The following CD200 variants were observed in gnomAD, a reference collection of about 807,000 sequenced individuals.
CD200 encodes CD200 molecule.
CD200 carries 15 observed loss-of-function variants against 30.9 expected under a neutral mutation model. The ratio of observed to expected loss-of-function variants is 0.49; its 90% CI spans 0.32 to 0.75. The LOEUF (loss-of-function observed/expected upper bound fraction) is 0.75. Ranked by LOEUF, CD200 falls within the 30% of genes least tolerant of loss-of-function variation. The probability of loss-of-function intolerance (pLI) is 0.03; values close to 1 mark genes in which losing one functional copy is unlikely to be tolerated. For synonymous variants in CD200, 134 were observed against 126.2 expected, an observed-to-expected ratio of 1.06 and a Z score of -0.41; for missense variants, 262 against 324.2, an observed-to-expected ratio of 0.81 and a Z score of 1.47.
In CD200 at chr3:112,362,754, C is replaced by A. The variant is rs577924897; in HGVS notation, c.*1204C>A. Reference sequence around the variant, plus strand: ...CAAGATTTTCATGTGTTATTTAATTCTGTATTGTTTCTTATATTTGTAGTA... The same window carrying A: ...CAAGATTTTCATGTGTTATTTAATTATGTATTGTTTCTTATATTTGTAGTA... On this transcript the variant is annotated 3_prime_UTR_variant, in exon 6 of 6. Transcript: ENST00000315711. 2.1e-3 allele frequency: 323 copies of A among 152,362 alleles called. 1 individual carries two copies. Among genetic ancestry groups the A allele is most frequent in the African/African-American group, 7.5e-3 (311 of 41,438 alleles). The allele number at this position is 152,362 out of a possible 1,614,324, so 9.4% of individuals were successfully genotyped here.
intron 5 of CD200, among the ~76,000 whole-genome samples, chr3:112,356,900 A>G (rs964592573): frequency 5.3e-5 from 8 of 152,228 alleles, no homozygotes; most frequent in African/African-American, 1.9e-4. Context: ...AGATGGGGAT[A>G]ATAATTGTAA....
At chr3:112,334,748 GA>G (rs35000193) in intron 1 of CD200, among the ~76,000 whole-genome samples, 38,025 of 149,706 alleles carry the variant, frequency 0.25, 5,670 homozygotes, top group Middle Eastern at 0.35. Context: ...CAGACTCGAG[GA>G]AAAAAAAAAC....
upstream of CD200, chr3:112,333,049 C>T (rs1254908536): frequency 4.2e-6 from 4 of 954,734 alleles, no homozygotes; most frequent in Middle Eastern, 3.2e-4. Context: ...ACAGCCTCCG[C>T]TCCTGTGAGG....
chr3:112,354,779 G>T (rs1208998932), intron 5 of CD200, among the ~76,000 whole-genome samples: 1 of 152,212 alleles, frequency 6.6e-6, no homozygotes, highest in African/African-American at 2.4e-5. Context: ...CAAGGTGTCT[G>T]CAGGGAGACA....
At chr3:112,342,338 C>CTTCCTTCCTTCT in intron 2 of CD200, among the ~76,000 whole-genome samples, 1 of 21,944 alleles carries the variant, frequency 4.6e-5, no homozygotes, top group African/African-American at 1.7e-4. Flanking sequence ...TCTTTCTTTC[C>CTTCCTTCCTTCT]TTCTTTCTTT....
intron 3 of CD200, 44 bp downstream of exon 3, chr3:112,345,332 T>C (rs1294637636): frequency 2.6e-6 from 4 of 1,511,044 alleles, no homozygotes; most frequent in Non-Finnish European, 1.8e-6. Context: ...GAAATACTAT[T>C]TGCAAGAATG....
At position 112,333,241 on chromosome 3, in the gene CD200, C is replaced by T; in HGVS notation, c.12+17C>T. On this transcript the variant is annotated intron_variant, in intron 1 of 5. Coordinates refer to ENST00000315711, the MANE Select transcript of CD200 (RefSeq NM_005944.7). ...GAGAGGCTGGTGAGCGGGGCCGGGG[C>T]TTGGGAAGGAGGGCGCAGGGCAGGC... 6.5e-7 allele frequency: 1 copy of T among 1,549,128 alleles called. No homozygotes were observed. The highest frequency in any genetic ancestry group is 1.2e-5 in the South Asian group (1 of 83,918).
At chr3:112,339,102 G>A (rs1017551627) in intron 1 of CD200, among the ~76,000 whole-genome samples, 16 of 152,134 alleles carry the variant, frequency 1.1e-4, no homozygotes, top group African/African-American at 3.4e-4. Flanking sequence ...ATAAATGTTA[G>A]CATTAGTGGT....
chr3:112,349,947 A>G, intron 5 of CD200, 128 bp downstream of exon 5: 1 of 1,345,034 alleles, frequency 7.4e-7, no homozygotes, highest in South Asian at 2.2e-5. Flanking sequence ...TTTCCAAAAT[A>G]CAGAAATGTT....
Position 112,344,960 on chromosome 3 carries a change from A to C in CD200, c.95-2A>C. The C allele has an allele frequency of 6.3e-7, 1 of 1,591,912 alleles. No homozygotes were observed. The highest frequency in any genetic ancestry group is 1.1e-5 in the South Asian group (1 of 88,208). ...TATAAATGTTCTTTTATGATTCCAT[A>C]GTGCAAGTGGTGACCCAGGATGAAA... On this transcript the variant is annotated splice_acceptor_variant, in intron 2 of 5. Transcript: ENST00000315711. LOFTEE classifies it high-confidence loss of function.
intron 1 of CD200, among the ~76,000 whole-genome samples, chr3:112,339,421 T>G (rs542572065): frequency 2.2e-4 from 33 of 152,292 alleles, no homozygotes; most frequent in Admixed American, 5.9e-4. Flanking sequence ...CTTTTCTGGC[T>G]CAGGGAGATA....
At chr3:112,353,436 T>C (rs2081572309) in intron 5 of CD200, among the ~76,000 whole-genome samples, 1 of 152,156 alleles carries the variant, frequency 6.6e-6, no homozygotes, top group Non-Finnish European at 1.5e-5. Context: ...CATGTAGAAA[T>C]ATGTTTTTCA....
intron 5 of CD200, among the ~76,000 whole-genome samples, chr3:112,359,182 T>C (rs1345147436): frequency 6.6e-6 from 1 of 152,198 alleles, no homozygotes; most frequent in Non-Finnish European, 1.5e-5. Flanking sequence ...GAAAAACTTC[T>C]TCAGACCAGA....
Position 112,362,509 on chromosome 3 carries a change from A to G in CD200, c.*959A>G, listed in dbSNP as rs2081758717. The G allele has an allele frequency of 6.6e-6, 1 of 152,550 alleles. No homozygotes were observed. The highest frequency in any genetic ancestry group is 2.4e-5 in the African/African-American group (1 of 41,406). The allele number at this position is 152,550 out of a possible 1,614,324, so 9.4% of individuals were successfully genotyped here. A position where few individuals can be genotyped will look rare whatever the true frequency, so the allele number is the denominator to read the frequency against. ...TTTGTCTCTGCTGGCTTCTTTTTCCATGCGTTAACTTTTCCCAATAGCAGA... is the reference window on the plus strand; with the variant it reads ...TTTGTCTCTGCTGGCTTCTTTTTCCGTGCGTTAACTTTTCCCAATAGCAGA... On this transcript the variant is annotated 3_prime_UTR_variant, in exon 6 of 6. Coordinates refer to ENST00000315711, the MANE Select transcript of CD200 (RefSeq NM_005944.7).
chr3:112,362,801 G>A lies in CD200; in HGVS notation c.*1251G>A, dbSNP rs934801688. 1.3e-5 allele frequency: 2 copies of A among 152,500 alleles called. No homozygotes were observed. The highest frequency in any genetic ancestry group is 4.8e-5 in the African/African-American group (2 of 41,388). The allele number at this position is 152,500 out of a possible 1,614,324, so 9.4% of individuals were successfully genotyped here. On this transcript the variant is annotated 3_prime_UTR_variant, in exon 6 of 6. Coordinates refer to ENST00000315711, the MANE Select transcript of CD200 (RefSeq NM_005944.7). ...AGTAAAATATTGAACAATTAAAAGT[G>A]TTGACTCCAAATATTTGGCTTATGA...
chr3:112,333,316 C>G, intron 1 of CD200, 92 bp downstream of exon 1: 2 of 1,494,372 alleles, frequency 1.3e-6, no homozygotes, highest in Non-Finnish European at 1.8e-6. Context: ...AGGCGCGGAG[C>G]TTCGGCTCTT....
At chr3:112,345,334 G>T in intron 3 of CD200, 46 bp downstream of exon 3, 1 of 1,494,732 alleles carries the variant, frequency 6.7e-7, no homozygotes, top group Non-Finnish European at 9.3e-7. Flanking sequence ...AATACTATTT[G>T]CAAGAATGTT....
At chr3:112,335,998 C>A in intron 1 of CD200, 1 of 1,610,808 alleles carries the variant, frequency 6.2e-7, no homozygotes, top group South Asian at 1.1e-5. Context: ...CTAGGAAAGA[C>A]CACCATCAAT....
chr3:112,351,088 A>C (rs1165053882), intron 5 of CD200, among the ~76,000 whole-genome samples: 1 of 152,208 alleles, frequency 6.6e-6, no homozygotes, highest in East Asian at 1.9e-4. Flanking sequence ...GTTTGATTCT[A>C]CTTTATCCAG....
Sources: gnomAD v4.1 joint callset for allele counts (sites outside exome capture counted in the v4.1 genomes callset) on GRCh38, gnomAD v4.1.1 for gene constraint, MANE v1.5 for transcripts, NCBI Gene and HGNC (gene_info 2026-07-23, HGNC 2026-07-21) for gene names.